PRKCE: variants seen among roughly 807,000 people sequenced by gnomAD.
PRKCE encodes the protein protein kinase C epsilon.
In PRKCE, 16 loss-of-function variants were observed where a neutral mutation model predicts 85.4. The observed-to-expected ratio is 0.19, with a 90% CI of 0.13 to 0.28. The LOEUF (loss-of-function observed/expected upper bound fraction) is 0.28. Among genes scored for constraint, PRKCE ranks in the 10% least tolerant of loss-of-function variants. The pLI, the probability that PRKCE is intolerant of heterozygous loss-of-function variation, is 1.00. For missense variants in PRKCE, 573 were observed against 975.2 expected (o/e 0.59, Z 5.49); for synonymous variants, 388 against 371.5 (o/e 1.04, Z -0.51).
At chr2:46,132,060 C>T (rs575322172) in intron 11 of PRKCE, among the ~76,000 whole-genome samples, 4 of 152,178 alleles carry the variant, frequency 2.6e-5, no homozygotes, top group Non-Finnish European at 4.4e-5. Flanking sequence ...GGGCACGTGA[C>T]TTTATCTGCC....
At chr2:46,070,200 T>C (rs1381303859) in intron 10 of PRKCE, among the ~76,000 whole-genome samples, 1 of 152,240 alleles carries the variant, frequency 6.6e-6, no homozygotes, top group Non-Finnish European at 1.5e-5. Flanking sequence ...AGAACTGTTG[T>C]GTTCCTTCAC....
Position 45,884,994 on chromosome 2 carries a change from TATATATA to T in PRKCE, c.412+41932_412+41938del, listed in dbSNP as rs1249773930. Among the ~76,000 whole-genome samples the T allele has an allele frequency of 6.6e-3, 484 of 72,882 alleles. 21 individuals carry two copies. The highest frequency in any genetic ancestry group is 0.014 in the Middle Eastern group (2 of 140). 47.8% of individuals were successfully genotyped at this position (72,882 alleles called of 152,430 possible). On this transcript the variant is annotated intron_variant, in intron 2 of 14. Coordinates refer to ENST00000306156, the MANE Select transcript of PRKCE (RefSeq NM_005400.3). ...ATATATATATATATATATATATATA[TATATATA>T]TTTGTTGTTGTTGTTGTTGTTTTAC...
Position 46,001,522 on chromosome 2 carries a change from C to A in PRKCE, c.942C>A (p.Thr314=). 6.3e-7 allele frequency: 1 copy of A among 1,598,928 alleles called. No homozygotes were observed. Among genetic ancestry groups the A allele is most frequent in the Non-Finnish European group, 8.5e-7 (1 of 1,179,528 alleles). ...ADLGVTPDKI[T]NSGQRRKKLI... ...TGGGCGTTACCCCAGACAAAATCAC[C>A]AACAGCGGCCAGAGAAGGAAAAAGG... Residue 314 remains threonine, a synonymous_variant, in exon 7 of 15, where the codon ACC becomes ACA. Transcript: ENST00000306156. This position sits in a 1 kb window ranked among gnomAD's most constrained non-coding sequence, Gnocchi z 4.4.
At chr2:45,933,211 T>C (rs1699167955) in intron 2 of PRKCE, among the ~76,000 whole-genome samples, 1 of 152,190 alleles carries the variant, frequency 6.6e-6, no homozygotes, top group African/African-American at 2.4e-5. Flanking sequence ...TCTTCATAGA[T>C]ATTGGATATG....
chr2:46,065,686 G>A (rs1450230615), intron 10 of PRKCE, among the ~76,000 whole-genome samples: 3 of 152,120 alleles, frequency 2.0e-5, no homozygotes, highest in Non-Finnish European at 4.4e-5. Context: ...TGAGGTCACT[G>A]GAGGTCAGAA....
In PRKCE at chr2:46,062,245, T is replaced by C. The variant is rs112517335; in HGVS notation, c.1438-23963T>C. On this transcript the variant is annotated intron_variant, in intron 10 of 14. Transcript: ENST00000306156. The stretch of plus-strand genomic sequence containing the variant: ...GCTGGGGGCATGGGAATGAATACGA[T>C]AGACATGTCCCCTACTCTTTTGTTG... 2.4e-3 allele frequency among the ~76,000 whole-genome samples: 362 copies of C among 152,314 alleles called. 2 individuals are homozygous for C. Among genetic ancestry groups the C allele is most frequent in the African/African-American group, 6.9e-3 (288 of 41,562 alleles).
intron 2 of PRKCE, among the ~76,000 whole-genome samples, chr2:45,875,634 G>A (rs1452024390): frequency 6.6e-6 from 1 of 152,214 alleles, no homozygotes; most frequent in Non-Finnish European, 1.5e-5. Flanking sequence ...CAGGAAGACA[G>A]TAAAGACCAG....
chr2:45,652,875 C>G lies in PRKCE; in HGVS notation c.348+427C>G, dbSNP rs1018520796. 1.3e-5 allele frequency among the ~76,000 whole-genome samples: 2 copies of G among 152,186 alleles called. No homozygotes were observed. The highest frequency in any genetic ancestry group is 2.9e-5 in the Non-Finnish European group (2 of 68,034). ...ACTGAAGGCTTCTTGCACGTCCTGG[C>G]TTTGTCCTGCTTAGCCGAGCGAGGA... On this transcript the variant is annotated intron_variant, in intron 1 of 14. Coordinates refer to ENST00000306156, the MANE Select transcript of PRKCE (RefSeq NM_005400.3). The surrounding 1 kb of genome is among the most constrained non-coding windows in gnomAD (Gnocchi z 7.7).
intron 1 of PRKCE, among the ~76,000 whole-genome samples, chr2:45,830,827 G>T (rs1396552460): frequency 1.3e-5 from 2 of 152,200 alleles, no homozygotes; most frequent in African/African-American, 2.4e-5. Context: ...TTAAAACCTA[G>T]AATTCTATAT....
At chr2:46,144,766 C>T (rs1470973278) in intron 11 of PRKCE, among the ~76,000 whole-genome samples, 1 of 152,322 alleles carries the variant, frequency 6.6e-6, no homozygotes, top group South Asian at 2.1e-4. Flanking sequence ...TTCTTTCTTT[C>T]ATAGCAGGAT....
chr2:46,116,707 A>G (rs549856561), intron 11 of PRKCE, among the ~76,000 whole-genome samples: 1 of 151,960 alleles, frequency 6.6e-6, no homozygotes, highest in South Asian at 2.1e-4. Flanking sequence ...TAATTCAGTC[A>G]TCACACATGG....
chr2:45,675,803 C>G (rs544517890), intron 1 of PRKCE: 3 of 152,280 alleles, frequency 2.0e-5, no homozygotes, highest in Non-Finnish European at 4.4e-5. Context: ...GGAGCTGGCC[C>G]TCAGCTCACA....
At chr2:45,985,802 C>G (rs187544661) in intron 6 of PRKCE, among the ~76,000 whole-genome samples, 147 of 152,276 alleles carry the variant, frequency 9.7e-4, no homozygotes, top group Middle Eastern at 3.4e-3. Context: ...AGAAATGGAG[C>G]CTGAGCTGGG....
intron 10 of PRKCE, among the ~76,000 whole-genome samples, chr2:46,034,937 G>T (rs1175507531): frequency 6.6e-6 from 1 of 152,256 alleles, no homozygotes; most frequent in Admixed American, 6.5e-5. Flanking sequence ...ACCTTAGAGT[G>T]ATAGCCCTAC....
At chr2:45,731,774 C>T (rs994680845) in intron 1 of PRKCE, among the ~76,000 whole-genome samples, 11 of 151,988 alleles carry the variant, frequency 7.2e-5, no homozygotes, top group African/African-American at 2.7e-4. Context: ...TGGGTGTGTG[C>T]CACCACACCT....
chr2:46,173,688 A>G (rs1431488368), intron 14 of PRKCE, among the ~76,000 whole-genome samples: 1 of 152,200 alleles, frequency 6.6e-6, no homozygotes. Flanking sequence ...ATCATAACAC[A>G]TGTTAGAAGT....
At chr2:45,656,887 C>T (rs930507136) in intron 1 of PRKCE, among the ~76,000 whole-genome samples, 1 of 152,134 alleles carries the variant, frequency 6.6e-6, no homozygotes. Context: ...GACTGTATAA[C>T]TTTATAATTT....
At chr2:45,829,059 G>A (rs773266322) in intron 1 of PRKCE, among the ~76,000 whole-genome samples, 44 of 151,722 alleles carry the variant, frequency 2.9e-4, no homozygotes, top group Non-Finnish European at 4.7e-4. Flanking sequence ...GTAGCTAATG[G>A]TTTGAATATG....
chr2:45,997,505 T>C (rs111724874), intron 6 of PRKCE, among the ~76,000 whole-genome samples: 3 of 152,092 alleles, frequency 2.0e-5, no homozygotes, highest in African/African-American at 7.2e-5. Flanking sequence ...TCCCACTAAT[T>C]TTGATGTTGT....
Sources: gnomAD v4.1 joint callset for allele counts (sites outside exome capture counted in the v4.1 genomes callset) on GRCh38, gnomAD v4.1.1 for gene constraint, Gnocchi (gnomAD v3.1) non-coding constraint, MANE v1.5 for transcripts, NCBI Gene and HGNC (gene_info 2026-07-23, HGNC 2026-07-21) for gene names.